The following ADAMTS6 variants were observed in gnomAD, a reference collection of about 807,000 sequenced individuals.
ADAMTS6 encodes the protein A disintegrin and metalloproteinase with thrombospondin motifs 6.
A neutral mutation model predicts 144.3 loss-of-function variants in ADAMTS6; 23 were observed. The ratio of observed to expected loss-of-function variants is 0.16; its 90% CI spans 0.11 to 0.23. ADAMTS6 has a LOEUF of 0.23. ADAMTS6 is among the 10% of genes least tolerant of loss of function. ADAMTS6 has a pLI of 1.00. For synonymous variants in ADAMTS6, 444 were observed against 457.5 expected, an observed-to-expected ratio of 0.97 and a Z score of 0.38; for missense variants, 999 against 1,379.6, an observed-to-expected ratio of 0.72 and a Z score of 4.37.
chr5:65,398,781 C>CGAGAAAGAAAGAAAGAAAGAAAGAAAAGA (rs1156386169), intron 7 of ADAMTS6, among the ~76,000 whole-genome samples: 5 of 106,904 alleles, frequency 4.7e-5, no homozygotes, highest in Admixed American at 1.0e-4. Flanking sequence ...GAAGAGAGAG[C>CGAGAAAGAAAGAAAGAAAGAAAGAAAAGA]AAGAAAGAAA....
chr5:65,431,562 T>G (rs1299730687), intron 7 of ADAMTS6, among the ~76,000 whole-genome samples: 1 of 152,164 alleles, frequency 6.6e-6, no homozygotes. Context: ...AAAATACCAA[T>G]GTAAAACAAG....
intron 11 of ADAMTS6, 118 bp from the exon 12 acceptor site, chr5:65,273,565 T>A: frequency 1.4e-6 from 1 of 735,122 alleles, no homozygotes; most frequent in Non-Finnish European, 2.3e-6. Flanking sequence ...CTTTTGCTGC[T>A]GAAGCATCGC....
intron 3 of ADAMTS6, among the ~76,000 whole-genome samples, chr5:65,464,411 T>C (rs1004319729): frequency 2.6e-5 from 4 of 152,220 alleles, no homozygotes; most frequent in African/African-American, 9.7e-5. Context: ...AAAATATTTT[T>C]AAAAGAATGC....
At chr5:65,182,188 G>A (rs1460026427) in intron 22 of ADAMTS6, among the ~76,000 whole-genome samples, 1 of 152,040 alleles carries the variant, frequency 6.6e-6, no homozygotes, top group Non-Finnish European at 1.5e-5. Context: ...GCTCACGCCT[G>A]TGAATCCCAG....
chr5:65,436,682 T>TA (rs1033996751), intron 7 of ADAMTS6, among the ~76,000 whole-genome samples: 37 of 141,746 alleles, frequency 2.6e-4, no homozygotes, highest in Middle Eastern at 3.5e-3. Context: ...TAAAAATATT[T>TA]AAAAAAAACC....
At position 65,337,868 on chromosome 5, in the gene ADAMTS6, C is replaced by A. The variant is rs560972444; in HGVS notation, c.1074-3783G>T. Among the ~76,000 whole-genome samples, 9 of 152,126 alleles carry A rather than the reference C, an allele frequency of 5.9e-5. No individual in the cohort carries two copies. The South Asian group carries it at 1.9e-3, about 32-fold the overall frequency. The stretch of plus-strand genomic sequence containing the variant: ...AATAATGCAAGGAGTCTCGCTTTAT[C>A]CCAAATATATAATTGGTATACTTTT... On this transcript the variant is annotated intron_variant, in intron 7 of 24. Transcript: ENST00000381055.
intron 12 of ADAMTS6, among the ~76,000 whole-genome samples, chr5:65,270,701 T>C (rs144226352): frequency 1.3e-5 from 2 of 152,214 alleles, no homozygotes; most frequent in Non-Finnish European, 2.9e-5. Flanking sequence ...ATTTGTTTTG[T>C]AGATAAGTTT....
rs773477535 is a variant in ADAMTS6 at position 65,197,090 on chromosome 5, A to G, written c.2637T>C (p.Asn879=). 4.8e-5 allele frequency: 78 copies of G among 1,614,076 alleles called. No individual in the cohort carries two copies. Among genetic ancestry groups the G allele is most frequent in the Non-Finnish European group, 6.4e-5 (76 of 1,179,958 alleles). The change falls in exon 21 of 25, where the codon AAT becomes AAC. Residue 879 remains asparagine, a synonymous_variant. Transcript: ENST00000381055. Reference sequence around the variant, plus strand: ...GTGGCTTACTGTCAGGATCACAGTAATTGTTCTGGACAATGGAGTTGTCAT... The same window carrying G: ...GTGGCTTACTGTCAGGATCACAGTAGTTGTTCTGGACAATGGAGTTGTCAT... The part of the protein sequence containing the change: ...RLDDNSIVQN[N]YCDPDSKPPE...
intron 4 of ADAMTS6, among the ~76,000 whole-genome samples, chr5:65,455,876 T>A (rs1001220074): frequency 6.6e-6 from 1 of 152,006 alleles, no homozygotes; most frequent in Non-Finnish European, 1.5e-5. Context: ...ATCTTTGTTA[T>A]TGTCAAAATT....
intron 5 of ADAMTS6, among the ~76,000 whole-genome samples, chr5:65,452,462 TA>T (rs397976555): frequency 0.022 from 3,072 of 137,550 alleles, 31 homozygotes; most frequent in Non-Finnish European, 0.029. Flanking sequence ...TGTTTCAAGT[TA>T]AAAAAAAAAA....
intron 21 of ADAMTS6, among the ~76,000 whole-genome samples, chr5:65,194,201 G>A (rs531529888): frequency 6.6e-6 from 1 of 152,062 alleles, no homozygotes; most frequent in South Asian, 2.1e-4. Flanking sequence ...GATGTTTGAC[G>A]GTTTGACCTA....
At chr5:65,314,808 C>T (rs761420431) in intron 9 of ADAMTS6, among the ~76,000 whole-genome samples, 11 of 152,058 alleles carry the variant, frequency 7.2e-5, no homozygotes, top group Non-Finnish European at 1.2e-4. Flanking sequence ...AATTCATTAT[C>T]GGCAGACCTG....
intron 7 of ADAMTS6, among the ~76,000 whole-genome samples, chr5:65,339,077 G>A (rs1747581793): frequency 6.6e-6 from 1 of 152,084 alleles, no homozygotes; most frequent in South Asian, 2.1e-4. Context: ...CAGAGTAATA[G>A]CACGATGGCC....
chr5:65,287,961 C>T (rs1303700474), intron 11 of ADAMTS6, among the ~76,000 whole-genome samples: 2 of 152,166 alleles, frequency 1.3e-5, no homozygotes, highest in East Asian at 3.8e-4. Flanking sequence ...TTGTACTGTA[C>T]TGTTTTGTTC....
intron 7 of ADAMTS6, among the ~76,000 whole-genome samples, chr5:65,443,625 A>G (rs1451052014): frequency 2.4e-5 from 1 of 41,424 alleles, no homozygotes; most frequent in Non-Finnish European, 5.4e-5. Context: ...CCTGTCTCAA[A>G]AAAAAAAAAA....
intron 11 of ADAMTS6, among the ~76,000 whole-genome samples, chr5:65,288,318 C>CT (rs35577398): frequency 5.7e-4 from 78 of 136,156 alleles, no homozygotes; most frequent in Admixed American, 1.9e-3. Context: ...CTTTTCTTTT[C>CT]TTTTTTTTTT....
At chr5:65,182,730 A>G (rs1293793767) in intron 22 of ADAMTS6, among the ~76,000 whole-genome samples, 1 of 152,206 alleles carries the variant, frequency 6.6e-6, no homozygotes, top group African/African-American at 2.4e-5. Flanking sequence ...AAAGCTAAAC[A>G]CATAATGACA....
chr5:65,196,977 C>A (rs769344806), intron 21 of ADAMTS6, 45 bp downstream of exon 21: 1 of 1,589,728 alleles, frequency 6.3e-7, no homozygotes, highest in South Asian at 1.2e-5. Context: ...ATGTTTTTCT[C>A]TTTGCACCTG....
intron 21 of ADAMTS6, among the ~76,000 whole-genome samples, chr5:65,196,339 A>G (rs547077974): frequency 6.4e-4 from 97 of 151,944 alleles, no homozygotes; most frequent in Middle Eastern, 3.4e-3. Context: ...TGGCTAACAC[A>G]GTGAAACCCC....
Sources: gnomAD v4.1 joint callset for allele counts (sites outside exome capture counted in the v4.1 genomes callset) on GRCh38, gnomAD v4.1.1 for gene constraint, MANE v1.5 for transcripts, NCBI Gene and HGNC (gene_info 2026-07-23, HGNC 2026-07-21) for gene names.